The following DRC3 variants were observed in gnomAD, a reference collection of about 807,000 sequenced individuals.
DRC3 encodes the protein dynein regulatory complex subunit 3, also known as leucine rich repeat containing 48.
In DRC3, 45 loss-of-function variants were observed where a neutral mutation model predicts 57.6. The ratio of observed to expected loss-of-function variants is 0.78; its 90% CI spans 0.62 to 1.00. The LOEUF (loss-of-function observed/expected upper bound fraction) is 1.00, where lower values mean the gene tolerates loss of function less well. DRC3 is among the 50% of genes least tolerant of loss of function. The pLI is 0.00. For synonymous variants in DRC3, 257 were observed against 272.3 expected (o/e 0.94, Z 0.55); for missense variants, 655 against 675.2 (o/e 0.97, Z 0.33).
intron 8 of DRC3, among the ~76,000 whole-genome samples, chr17:17,996,538 C>G (rs1412882721): frequency 1.3e-5 from 2 of 152,192 alleles, no homozygotes; most frequent in Non-Finnish European, 2.9e-5. Flanking sequence ...CAATTACCCC[C>G]CACCGGGTTC....
At chr17:17,977,810 T>A in intron 3 of DRC3, 52 bp downstream of exon 3, 2 of 1,510,818 alleles carry the variant, frequency 1.3e-6, no homozygotes, top group Non-Finnish European at 1.8e-6. Context: ...TCCCTGGCTT[T>A]CTCTGCTCCA....
At chr17:18,013,580 C>G (rs1051497156) in intron 12 of DRC3, among the ~76,000 whole-genome samples, 1 of 152,094 alleles carries the variant, frequency 6.6e-6, no homozygotes, top group African/African-American at 2.4e-5. Context: ...TATGCCGAAG[C>G]TAAAAAAGTT....
chr17:18,009,029 C>T (rs555867352), intron 12 of DRC3, among the ~76,000 whole-genome samples: 16 of 152,248 alleles, frequency 1.1e-4, no homozygotes, highest in Admixed American at 7.2e-4. Flanking sequence ...TGTGGCTTTA[C>T]GCCTGCAGTT....
chr17:17,979,527 T>A (rs1398327159), intron 3 of DRC3, among the ~76,000 whole-genome samples: 1 of 152,206 alleles, frequency 6.6e-6, no homozygotes, highest in Non-Finnish European at 1.5e-5. Flanking sequence ...GAAGATTAAA[T>A]CGGCTTTTTT....
intron 9 of DRC3, among the ~76,000 whole-genome samples, chr17:17,999,530 C>T (rs1243061525): frequency 6.6e-6 from 1 of 152,194 alleles, no homozygotes; most frequent in Non-Finnish European, 1.5e-5. Context: ...TTCCTACGCT[C>T]CTCCCACTCA....
At chr17:17,988,289 A>C in intron 5 of DRC3, 191 bp downstream of exon 5, 1 of 617,418 alleles carries the variant, frequency 1.6e-6, no homozygotes, top group Non-Finnish European at 2.8e-6. Flanking sequence ...TACCCAACAA[A>C]ATTCATCGGA....
At chr17:17,997,105 G>T (rs184813676) in intron 8 of DRC3, among the ~76,000 whole-genome samples, 1 of 152,118 alleles carries the variant, frequency 6.6e-6, no homozygotes, top group Non-Finnish European at 1.5e-5. Flanking sequence ...GGACCGGCTC[G>T]CAGGCCCCCA....
At chr17:18,005,974 G>T in intron 10 of DRC3, 1 of 568,638 alleles carries the variant, frequency 1.8e-6, no homozygotes, top group African/African-American at 1.9e-5. Context: ...CATTCAGATG[G>T]TGAGGGAGTT....
chr17:18,000,711 A>C (rs1475705690), intron 9 of DRC3, among the ~76,000 whole-genome samples: 1 of 152,118 alleles, frequency 6.6e-6, no homozygotes, highest in Non-Finnish European at 1.5e-5. Context: ...CCAGTGTCAC[A>C]GGCTTCCTCA....
At chr17:17,993,151 C>T (rs1597595477) in intron 6 of DRC3, 3 of 468,024 alleles carry the variant, frequency 6.4e-6, no homozygotes, top group East Asian at 4.0e-5. Flanking sequence ...GTCCCAGGGC[C>T]ACCTCACAGC....
intron 10 of DRC3, 40 bp from the exon 11 acceptor site, chr17:18,006,143 T>A (rs746455201): frequency 6.7e-7 from 1 of 1,483,228 alleles, no homozygotes. Context: ...GTGCTGGACA[T>A]CTAAATATGC....
intron 9 of DRC3, among the ~76,000 whole-genome samples, chr17:18,003,981 A>G (rs2043852784): frequency 6.6e-6 from 1 of 151,956 alleles, no homozygotes; most frequent in African/African-American, 2.4e-5. Flanking sequence ...AATAATCACT[A>G]TGCCAAAGCG....
intron 8 of DRC3, among the ~76,000 whole-genome samples, chr17:17,996,376 A>G (rs2043459034): frequency 6.6e-6 from 1 of 152,220 alleles, no homozygotes; most frequent in African/African-American, 2.4e-5. Flanking sequence ...CAATCATGGC[A>G]GAAGGCAAGG....
chr17:18,009,278 C>T (rs758684933), intron 12 of DRC3, among the ~76,000 whole-genome samples: 6 of 152,058 alleles, frequency 3.9e-5, no homozygotes, highest in Admixed American at 1.3e-4. Flanking sequence ...TTAGGTGATG[C>T]GCACCTGGTG....
chr17:17,978,597 G>A (rs1388274306), intron 3 of DRC3, among the ~76,000 whole-genome samples: 2 of 152,222 alleles, frequency 1.3e-5, no homozygotes, highest in African/African-American at 2.4e-5. Context: ...TTGAGACCCT[G>A]CCTCAGTCCA....
intron 12 of DRC3, among the ~76,000 whole-genome samples, chr17:18,012,776 A>C (rs2044214847): frequency 6.6e-6 from 1 of 152,216 alleles, no homozygotes; most frequent in African/African-American, 2.4e-5. Context: ...TTTTATGAAT[A>C]AGACCTCAAA....
chr17:17,978,867 C>T (rs2042519083), intron 3 of DRC3, among the ~76,000 whole-genome samples: 1 of 152,234 alleles, frequency 6.6e-6, no homozygotes, highest in South Asian at 2.1e-4. Flanking sequence ...ATGCCAGGTA[C>T]TGTTCTGAGC....
intron 5 of DRC3, among the ~76,000 whole-genome samples, chr17:17,990,210 T>TGACGGCCAGGCTGGGC (rs1375974907): frequency 6.6e-6 from 1 of 152,132 alleles, no homozygotes; most frequent in Non-Finnish European, 1.5e-5. Context: ...CATGGCTGGG[T>TGACGGCCAGGCTGGGC]GACGGCCAGG....
intron 5 of DRC3, chr17:17,988,302 G>A: frequency 1.7e-6 from 1 of 595,152 alleles, no homozygotes; most frequent in Non-Finnish European, 2.9e-6. Flanking sequence ...TCATCGGAGA[G>A]CACTAGTTTA....
Sources: allele counts gnomAD v4.1 joint callset (sites outside exome capture counted in the v4.1 genomes callset), GRCh38; gene constraint gnomAD v4.1.1; transcripts MANE v1.5; gene names NCBI Gene and HGNC (gene_info 2026-07-23, HGNC 2026-07-21).